The following FOXP1 variants were observed in gnomAD, a reference collection of about 807,000 sequenced individuals.
The protein encoded by FOXP1 is forkhead box P1.
In FOXP1, 15 loss-of-function variants were observed where a neutral mutation model predicts 98.2. The observed-to-expected ratio is 0.15, with a 90% confidence interval of 0.10 to 0.24. The LOEUF (loss-of-function observed/expected upper bound fraction) is 0.24. FOXP1 is among the 10% of genes least tolerant of loss of function. The pLI is 1.00. For missense variants in FOXP1, 633 were observed against 848.5 expected (o/e 0.75, Z 3.15); for synonymous variants, 371 against 314.5 (o/e 1.18, Z -1.90).
intron 6 of FOXP1, among the ~76,000 whole-genome samples, chr3:71,146,420 C>A (rs2060308219): frequency 6.6e-6 from 1 of 151,980 alleles, no homozygotes; most frequent in Non-Finnish European, 1.5e-5. Context: ...GGCCAATCCA[C>A]CCTCTGTATT....
At chr3:71,025,708 C>T (rs866639997) in intron 11 of FOXP1, among the ~76,000 whole-genome samples, 24 of 152,142 alleles carry the variant, frequency 1.6e-4, no homozygotes, top group African/African-American at 5.6e-4. Flanking sequence ...TTAACAAACA[C>T]CAATTTTACA....
At chr3:71,522,700 C>T (rs2043085352) in intron 2 of FOXP1, among the ~76,000 whole-genome samples, 1 of 152,180 alleles carries the variant, frequency 6.6e-6, no homozygotes, top group Non-Finnish European at 1.5e-5. Context: ...CAATCATGCA[C>T]TGATGTCATA....
chr3:71,106,362 G>C, intron 7 of FOXP1, among the ~76,000 whole-genome samples: 1 of 152,212 alleles, frequency 6.6e-6, no homozygotes, highest in Non-Finnish European at 1.5e-5. Context: ...TTTTGAGACA[G>C]AGTCTCGCTG....
intron 6 of FOXP1, among the ~76,000 whole-genome samples, chr3:71,160,906 C>G (rs762781601): frequency 5.3e-5 from 8 of 152,138 alleles, no homozygotes; most frequent in African/African-American, 9.7e-5. Flanking sequence ...ACTACAGAAG[C>G]CTGAGAGAGG....
chr3:70,957,489 A>G lies in FOXP1; in HGVS notation c.*1758T>C, dbSNP rs1002930964. ...TCAGATAAAGCATAAAACAGAGAACATAATTTACCTTTGTGTAATATCTTT... is the reference window on the plus strand; with the variant it reads ...TCAGATAAAGCATAAAACAGAGAACGTAATTTACCTTTGTGTAATATCTTT... On this transcript the variant is annotated 3_prime_UTR_variant, in exon 21 of 21. Coordinates refer to ENST00000649528, the MANE Select transcript of FOXP1 (RefSeq NM_001349338.3). The G allele has an allele frequency of 2.2e-5, 5 of 230,886 alleles. No individual in the cohort carries two copies. Among genetic ancestry groups the G allele is most frequent in the Non-Finnish European group, 4.3e-5 (5 of 116,456 alleles). The allele number at this position is 230,886 out of a possible 1,614,324, so 14.3% of individuals were successfully genotyped here.
chr3:71,312,195 G>C (rs144223771), intron 4 of FOXP1, among the ~76,000 whole-genome samples: 7 of 152,170 alleles, frequency 4.6e-5, no homozygotes, highest in African/African-American at 1.7e-4. Flanking sequence ...CAAAAAGAAC[G>C]TTAACACTCC....
intron 5 of FOXP1, among the ~76,000 whole-genome samples, chr3:71,236,578 A>C (rs1211336114): frequency 6.6e-6 from 1 of 152,202 alleles, no homozygotes; most frequent in Non-Finnish European, 1.5e-5. Context: ...ACGTATAAAC[A>C]AGCAAAAATG....
chr3:71,535,007 T>G (rs1227981949), intron 2 of FOXP1, among the ~76,000 whole-genome samples: 2 of 152,148 alleles, frequency 1.3e-5, no homozygotes, highest in Admixed American at 6.5e-5. Flanking sequence ...GAAATCACAA[T>G]GTACTCAAGC....
chr3:71,099,161 C>T (rs913789800), intron 7 of FOXP1, among the ~76,000 whole-genome samples: 3 of 152,120 alleles, frequency 2.0e-5, no homozygotes, highest in African/African-American at 7.2e-5. Context: ...TGAAAAATGG[C>T]CAGTACCTAG....
intron 7 of FOXP1, among the ~76,000 whole-genome samples, chr3:71,073,510 A>T (rs1001595874): frequency 1.3e-5 from 2 of 152,330 alleles, no homozygotes; most frequent in South Asian, 2.1e-4. Flanking sequence ...GGCTACCTGG[A>T]GTTTGAAGCA....
intron 5 of FOXP1, among the ~76,000 whole-genome samples, chr3:71,223,932 G>C (rs1317246492): frequency 3.3e-5 from 5 of 152,154 alleles, no homozygotes; most frequent in Non-Finnish European, 7.3e-5. Context: ...GCAATGGAAG[G>C]ATGGAGAGTC....
In FOXP1 at chr3:71,243,184, T is replaced by C. The variant is rs1454332885; in HGVS notation, c.-11-44792A>G. Among the ~76,000 whole-genome samples the C allele has an allele frequency of 1.3e-5, 2 of 152,332 alleles. 1 individual carries two copies. The highest frequency in any genetic ancestry group is 3.9e-4 in the East Asian group (2 of 5,194). ...GTTATATTTCTAAAGCAGTACTCGA[T>C]CCTGTTTGGACTCAGAACCTTCCAC... is the stretch of plus-strand genomic sequence containing the variant. On this transcript the variant is annotated intron_variant, in intron 5 of 20. Coordinates refer to ENST00000649528, the MANE Select transcript of FOXP1 (RefSeq NM_001349338.3).
intron 18 of FOXP1, chr3:70,971,639 T>A (rs2036272423): frequency 5.9e-6 from 1 of 168,204 alleles, no homozygotes; most frequent in Non-Finnish European, 1.3e-5. Context: ...TTATAGTGAG[T>A]GAACAAATAA....
At chr3:71,268,184 G>A (rs566574760) in intron 5 of FOXP1, among the ~76,000 whole-genome samples, 28 of 143,734 alleles carry the variant, frequency 1.9e-4, no homozygotes, top group African/African-American at 7.0e-4. Flanking sequence ...TCCGCCTCCC[G>A]GGTTCACGCC....
chr3:71,041,488 T>C lies in FOXP1; in HGVS notation c.709A>G (p.Ser237Gly). 6.2e-7 allele frequency: 1 copy of C among 1,613,896 alleles called. No individual in the cohort carries two copies. The highest frequency in any genetic ancestry group is 8.5e-7 in the Non-Finnish European group (1 of 1,179,828). ...ELQQLWKEVT[S>G]AHTAEETTGN... ...GTGGTTTCTTCTGCAGTATGAGCAC[T>C]TGTCACTTCTTTCCAGAGCTGCTGC... is the stretch of plus-strand genomic sequence containing the variant. The change falls in exon 11 of 21, where the codon AGT becomes GGT. Residue 237 changes from serine (S) to glycine (G), a missense_variant. Coordinates refer to ENST00000649528, the MANE Select transcript of FOXP1 (RefSeq NM_001349338.3).
chr3:71,479,399 A>C (rs2090098601), intron 3 of FOXP1, among the ~76,000 whole-genome samples: 1 of 152,262 alleles, frequency 6.6e-6, no homozygotes, highest in African/African-American at 2.4e-5. Context: ...TAAGTGAATT[A>C]TATCTAAATG....
Position 71,279,947 on chromosome 3 carries a change from C to A in FOXP1, c.-12+19873G>T, listed in dbSNP as rs187829970. Among the ~76,000 whole-genome samples the A allele has an allele frequency of 1.0e-2, 1,516 of 151,910 alleles. 30 individuals carry two copies. Among genetic ancestry groups the A allele is most frequent in the African/African-American group, 0.034 (1,418 of 41,416 alleles). The stretch of plus-strand genomic sequence containing the variant: ...GACTATCCTGGCTAACACAGTGAAA[C>A]CCTGTCTCTACTAAAAATATAAAAA... On this transcript the variant is annotated intron_variant, in intron 5 of 20. Coordinates refer to ENST00000649528, the MANE Select transcript of FOXP1 (RefSeq NM_001349338.3).
intron 3 of FOXP1, among the ~76,000 whole-genome samples, chr3:71,371,827 C>T (rs1038180975): frequency 2.6e-5 from 4 of 152,024 alleles, no homozygotes; most frequent in African/African-American, 7.2e-5. Context: ...ACCCCCTAAC[C>T]TCTCCCACAC....
chr3:71,256,654 T>C (rs1425909109), intron 5 of FOXP1, among the ~76,000 whole-genome samples: 1 of 152,128 alleles, frequency 6.6e-6, no homozygotes, highest in East Asian at 1.9e-4. Context: ...AGTGCTGGGA[T>C]TACAGGCGTG....
Sources: gnomAD v4.1 joint callset for allele counts (sites outside exome capture counted in the v4.1 genomes callset) on GRCh38, gnomAD v4.1.1 for gene constraint, MANE v1.5 for transcripts, NCBI Gene and HGNC (gene_info 2026-07-23, HGNC 2026-07-21) for gene names.